ZDHHC7: variants seen among roughly 807,000 people sequenced by gnomAD.
ZDHHC7 encodes the protein palmitoyltransferase ZDHHC7.
A neutral mutation model predicts 34.1 loss-of-function variants in ZDHHC7; 12 were observed. That is an observed-to-expected ratio of 0.35 (90% CI 0.23 to 0.57). ZDHHC7 has a LOEUF of 0.57. ZDHHC7 is among the 20% of genes least tolerant of loss of function. ZDHHC7 has a pLI of 0.84. For missense variants in ZDHHC7, 388 were observed against 402.7 expected (o/e 0.96, Z 0.31); for synonymous variants, 185 against 155.4 (o/e 1.19, Z -1.42).
At chr16:84,992,285 T>C (rs2072520503) in intron 2 of ZDHHC7, among the ~76,000 whole-genome samples, 1 of 151,114 alleles carries the variant, frequency 6.6e-6, no homozygotes, top group Admixed American at 6.6e-5. Flanking sequence ...CTGGCCAAGC[T>C]GGTGAAACCC....
At chr16:84,981,734 C>T (rs532339157) in intron 4 of ZDHHC7, 136 bp downstream of exon 4, 37 of 1,517,660 alleles carry the variant, frequency 2.4e-5, no homozygotes, top group Admixed American at 2.3e-4. Flanking sequence ...ATGACACCTA[C>T]GGCCCCGCCC....
chr16:84,998,991 G>A (rs1043101521), intron 1 of ZDHHC7, among the ~76,000 whole-genome samples: 1 of 152,088 alleles, frequency 6.6e-6, no homozygotes. Flanking sequence ...CTGACCTCAG[G>A]TGATCCGCCC....
intron 3 of ZDHHC7, among the ~76,000 whole-genome samples, chr16:84,984,667 G>A (rs2072414115): frequency 6.6e-6 from 1 of 152,152 alleles, no homozygotes; most frequent in Non-Finnish European, 1.5e-5. Flanking sequence ...GACTATGTGG[G>A]ATTTCAGGCA....
chr16:84,995,696 G>C (rs2072568127), intron 2 of ZDHHC7, among the ~76,000 whole-genome samples: 1 of 152,100 alleles, frequency 6.6e-6, no homozygotes, highest in African/African-American at 2.4e-5. Context: ...CCCTCATCTT[G>C]TGATACTGGC....
intron 7 of ZDHHC7, among the ~76,000 whole-genome samples, 186 bp downstream of exon 7, chr16:84,976,909 A>T (rs552424074): frequency 2.0e-5 from 3 of 152,310 alleles, no homozygotes; most frequent in African/African-American, 7.2e-5. Context: ...AATCAAACTG[A>T]GACTAGAAAT....
rs185488051 is a variant in ZDHHC7, at chr16:84,985,641, C to T, written c.316-3647G>A. The stretch of plus-strand genomic sequence containing the variant: ...ATGGATCCTTATTTGGATCCTGATT[C>T]AAGGGAAAAAAATTATAAAAGAATT... On this transcript the variant is annotated intron_variant, in intron 3 of 7. Transcript: ENST00000313732. 3.7e-3 allele frequency among the ~76,000 whole-genome samples: 567 copies of T among 152,064 alleles called. 4 individuals carry two copies. Among genetic ancestry groups the T allele is most frequent in the Non-Finnish European group, 4.8e-3 (323 of 67,966 alleles).
chr16:85,004,151 C>T (rs1051850140), intron 1 of ZDHHC7, among the ~76,000 whole-genome samples: 2 of 151,754 alleles, frequency 1.3e-5, no homozygotes, highest in African/African-American at 2.4e-5. Flanking sequence ...CACTCAGTCA[C>T]GACCCCACTC....
chr16:85,023,228 G>A, the ZDHHC7 span, among the ~76,000 whole-genome samples: 219 of 148,608 alleles, frequency 1.5e-3, no homozygotes, highest in African/African-American at 5.1e-3. Flanking sequence ...GTGCAGTGGC[G>A]CAATTTCAGC....
At position 84,979,464 on chromosome 16, in the gene ZDHHC7, C is replaced by T. The variant is rs146420914; in HGVS notation, c.441-179G>A. ...TTTATCATTTTAATTAAATGTCTTC[C>T]GTTTCCTAAGGAAAATACTCAATGG... On this transcript the variant is annotated intron_variant, in intron 4 of 7. Transcript: ENST00000313732. The T allele has an allele frequency of 9.0e-4, 602 of 672,230 alleles. 5 individuals are homozygous for T. The African/African-American group carries it at 0.011, about 12-fold the overall frequency. 41.6% of individuals were successfully genotyped at this position (672,230 alleles called of 1,614,324 possible).
chr16:85,006,981 C>A (rs1286396180), intron 1 of ZDHHC7, among the ~76,000 whole-genome samples: 1 of 151,830 alleles, frequency 6.6e-6, no homozygotes, highest in Non-Finnish European at 1.5e-5. Context: ...AAACAGTTTT[C>A]AAGCACCCAC....
rs1389501560 is a variant in ZDHHC7 at position 84,990,285 on chromosome 16, A to T, written c.315+19T>A. 6.2e-7 allele frequency: 1 copy of T among 1,608,868 alleles called. No individual in the cohort carries two copies. Among genetic ancestry groups the T allele is most frequent in the East Asian group, 2.2e-5 (1 of 44,802 alleles). On this transcript the variant is annotated intron_variant, in intron 3 of 7. Coordinates refer to ENST00000313732, the MANE Select transcript of ZDHHC7 (RefSeq NM_017740.3). ...GACCAGACACAAGAGAGCCACCCAG[A>T]GACGCAGCCAGTACTCACAGGGTCG...
At chr16:84,992,602 G>A (rs146545555) in intron 2 of ZDHHC7, among the ~76,000 whole-genome samples, 24 of 152,348 alleles carry the variant, frequency 1.6e-4, no homozygotes, top group African/African-American at 5.5e-4. Context: ...GGGAAAGGAA[G>A]AGACAGTCAA....
intron 1 of ZDHHC7, among the ~76,000 whole-genome samples, chr16:85,004,362 T>C (rs4270166): frequency 0.43 from 64,562 of 151,774 alleles, 15,622 homozygotes; most frequent in African/African-American, 0.67. Flanking sequence ...GGGGAGTGCT[T>C]AGATCACCTG....
chr16:85,027,581 G>C, the ZDHHC7 span, among the ~76,000 whole-genome samples: 1 of 152,118 alleles, frequency 6.6e-6, no homozygotes, highest in Non-Finnish European at 1.5e-5. Flanking sequence ...AGGGGGCGCC[G>C]GGCGTACCCG....
rs771268585 is a variant in ZDHHC7, at chr16:84,990,369, C to A, written c.250G>T (p.Val84Phe). ...AGCACGGCCAAGCAGTTAAAGATGA[C>A]CCCGTTGACCACAGAGTACCAGAAG... Reference protein sequence around the residue: ...KDFWYSVVNGVIFNCLAVLAL... With the variant: ...KDFWYSVVNGFIFNCLAVLAL... Residue 84 changes from valine to phenylalanine, a missense_variant, in exon 3 of 8, where the codon GTC becomes TTC. By Grantham distance (50) the Val-to-Phe change is conservative. Coordinates refer to ENST00000313732, the MANE Select transcript of ZDHHC7 (RefSeq NM_017740.3). 7 of 1,614,008 alleles carry A rather than the reference C, an allele frequency of 4.3e-6. No homozygotes were observed. In the South Asian group the frequency reaches 6.6e-5, roughly 15 times the overall value.
In ZDHHC7 at chr16:84,990,525, CGGA is replaced by C. The variant is rs762809085; in HGVS notation, c.91_93del (p.Ser31del). On this transcript the variant is annotated inframe_deletion, in exon 3 of 8. Transcript: ENST00000313732. ...CAGACCCGGTCAGCCACGTCAGCCTCGGAGGAGGAGGACGATGAAGAGTCATAG... is the reference window on the plus strand; with the variant it reads ...CAGACCCGGTCAGCCACGTCAGCCTCGGAGGAGGACGATGAAGAGTCATAG... 6.8e-6 allele frequency: 11 copies of C among 1,614,038 alleles called. No homozygotes were observed. The highest frequency in any genetic ancestry group is 9.3e-6 in the Non-Finnish European group (11 of 1,180,038).
intron 1 of ZDHHC7, among the ~76,000 whole-genome samples, chr16:85,001,632 C>T (rs1027091836): frequency 2.0e-5 from 3 of 152,108 alleles, no homozygotes; most frequent in Admixed American, 2.0e-4. Flanking sequence ...GATATGTATA[C>T]ACACATGGGT....
At chr16:85,007,656 A>T (rs1393810225) in intron 1 of ZDHHC7, among the ~76,000 whole-genome samples, 1 of 152,082 alleles carries the variant, frequency 6.6e-6, no homozygotes, top group Non-Finnish European at 1.5e-5. Flanking sequence ...GAGGCAAAGC[A>T]GAAGAAAATG....
intron 2 of ZDHHC7, among the ~76,000 whole-genome samples, chr16:84,991,309 C>G (rs572206585): frequency 6.6e-6 from 1 of 152,138 alleles, no homozygotes; most frequent in South Asian, 2.1e-4. Flanking sequence ...TTTTTTGAAA[C>G]CAAGTCTCAC....
Sources: allele counts gnomAD v4.1 joint callset (sites outside exome capture counted in the v4.1 genomes callset), GRCh38; gene constraint gnomAD v4.1.1; transcripts MANE v1.5; gene names NCBI Gene and HGNC (gene_info 2026-07-23, HGNC 2026-07-21).